The following CNTNAP5 variants were observed in gnomAD, a reference collection of about 807,000 sequenced individuals.
CNTNAP5 encodes the protein contactin-associated protein-like 5.
In CNTNAP5, 72 loss-of-function variants were observed where a neutral mutation model predicts 150.2. The observed-to-expected ratio is 0.48, with a 90% CI of 0.40 to 0.58. CNTNAP5 has a LOEUF of 0.58. Ranked by LOEUF, CNTNAP5 falls within the 20% of genes least tolerant of loss-of-function variation. CNTNAP5 has a pLI of 0.00. For missense variants in CNTNAP5, 1,636 were observed against 1,626.2 expected (o/e 1.01, Z -0.10); for synonymous variants, 672 against 619.8 (o/e 1.08, Z -1.25).
chr2:124,223,400 G>A (rs1024151241), intron 2 of CNTNAP5, among the ~76,000 whole-genome samples: 1 of 152,214 alleles, frequency 6.6e-6, no homozygotes, highest in African/African-American at 2.4e-5. Flanking sequence ...AAGTGGCCCA[G>A]GAATGTCTGC....
At chr2:124,151,483 C>T (rs1454446608) in intron 1 of CNTNAP5, among the ~76,000 whole-genome samples, 1 of 152,146 alleles carries the variant, frequency 6.6e-6, no homozygotes, top group East Asian at 1.9e-4. Context: ...TGCCACTTAC[C>T]AGTTGTGTGA....
intron 17 of CNTNAP5, among the ~76,000 whole-genome samples, chr2:124,786,927 G>A (rs1345560538): frequency 6.6e-6 from 1 of 152,154 alleles, no homozygotes; most frequent in Non-Finnish European, 1.5e-5. Flanking sequence ...TGGAAATTTA[G>A]TTCACTGTGC....
chr2:124,101,142 T>C (rs1683053404), intron 1 of CNTNAP5, among the ~76,000 whole-genome samples: 1 of 152,206 alleles, frequency 6.6e-6, no homozygotes, highest in Non-Finnish European at 1.5e-5. Flanking sequence ...ACAATAATCA[T>C]GTTGCTCAGG....
At chr2:124,805,244 A>G (rs1271294917) in intron 19 of CNTNAP5, among the ~76,000 whole-genome samples, 3 of 152,160 alleles carry the variant, frequency 2.0e-5, no homozygotes. Context: ...TTTAAGAATG[A>G]CTTTCTCAAT....
intron 13 of CNTNAP5, among the ~76,000 whole-genome samples, chr2:124,697,252 T>A: frequency 6.6e-6 from 1 of 152,166 alleles, no homozygotes; most frequent in Non-Finnish European, 1.5e-5. Flanking sequence ...TATTGATAAA[T>A]GGTCATTAAC....
intron 12 of CNTNAP5, among the ~76,000 whole-genome samples, chr2:124,619,820 C>A (rs906661705): frequency 2.1e-5 from 3 of 142,256 alleles, no homozygotes; most frequent in African/African-American, 5.4e-5. Context: ...GAAAATCAAT[C>A]TCCTTCTCTC....
intron 3 of CNTNAP5, among the ~76,000 whole-genome samples, chr2:124,292,890 C>T (rs1206396302): frequency 1.3e-5 from 2 of 151,890 alleles, no homozygotes; most frequent in African/African-American, 2.4e-5. Flanking sequence ...AAATTTTAAA[C>T]TATAATTCTG....
At chr2:124,905,722 A>G (rs1400544616) in intron 22 of CNTNAP5, among the ~76,000 whole-genome samples, 1 of 152,074 alleles carries the variant, frequency 6.6e-6, no homozygotes, top group African/African-American at 2.4e-5. Context: ...GGAGAAAGAG[A>G]AAGGGGAAAG....
chr2:124,908,543 T>C (rs1216205565), intron 22 of CNTNAP5, among the ~76,000 whole-genome samples: 1 of 152,178 alleles, frequency 6.6e-6, no homozygotes, highest in Non-Finnish European at 1.5e-5. Context: ...GAATAATTTC[T>C]ATGACCTAAT....
At chr2:124,822,458 T>C (rs974400694) in intron 19 of CNTNAP5, among the ~76,000 whole-genome samples, 1 of 152,190 alleles carries the variant, frequency 6.6e-6, no homozygotes, top group African/African-American at 2.4e-5. Context: ...ACACAAATCA[T>C]CTAATCAGCT....
intron 11 of CNTNAP5, among the ~76,000 whole-genome samples, chr2:124,571,749 C>T (rs890272292): frequency 6.6e-6 from 1 of 151,518 alleles, no homozygotes; most frequent in African/African-American, 2.4e-5. Context: ...TCAGGCTGGT[C>T]TCGAACTCCT....
rs10194346 is a variant in CNTNAP5 at position 124,654,207 on chromosome 2, C to T, written c.2077+6249C>T. On this transcript the variant is annotated intron_variant, in intron 13 of 23. Transcript: ENST00000682447. ...AATGATGGAAAGTGGTATCCAGAGG[C>T]CAGATTTTACAAAGCCTGGGACTGC... Among the ~76,000 whole-genome samples, 248 of 152,046 alleles carry T rather than the reference C, an allele frequency of 1.6e-3. 1 individual carries two copies. Among genetic ancestry groups the T allele is most frequent in the African/African-American group, 5.9e-3 (243 of 41,484 alleles).
chr2:124,761,558 G>C (rs1680956323), intron 14 of CNTNAP5, among the ~76,000 whole-genome samples: 1 of 151,992 alleles, frequency 6.6e-6, no homozygotes, highest in Non-Finnish European at 1.5e-5. Context: ...AGTACTACAG[G>C]CCTGTTTTAG....
Position 124,885,337 on chromosome 2 carries a change from G to A in CNTNAP5, c.3436+15575G>A, listed in dbSNP as rs144325991. Among the ~76,000 whole-genome samples the A allele has an allele frequency of 4.1e-3, 623 of 152,052 alleles. 6 individuals carry two copies. The highest frequency in any genetic ancestry group is 0.014 in the African/African-American group (582 of 41,466). ...TTCACGTTTACAACATACCTTTACA[G>A]CAGTACTTGGATGAGGGCTTGATTG... On this transcript the variant is annotated intron_variant, in intron 21 of 23. Transcript: ENST00000682447.
intron 3 of CNTNAP5, among the ~76,000 whole-genome samples, chr2:124,288,517 A>G (rs1688209491): frequency 6.6e-6 from 1 of 152,198 alleles, no homozygotes; most frequent in Non-Finnish European, 1.5e-5. Context: ...TGCTTCCTCT[A>G]TAAATTATTT....
At chr2:124,510,486 T>C (rs1226600048) in intron 8 of CNTNAP5, among the ~76,000 whole-genome samples, 3 of 22,574 alleles carry the variant, frequency 1.3e-4, no homozygotes, top group Non-Finnish European at 2.8e-4. Flanking sequence ...TGTATATATA[T>C]ATATATATAT....
At chr2:124,119,788 T>G (rs1337854920) in intron 1 of CNTNAP5, among the ~76,000 whole-genome samples, 1 of 152,100 alleles carries the variant, frequency 6.6e-6, no homozygotes, top group African/African-American at 2.4e-5. Context: ...TTTTATTTAA[T>G]AAAGTCTAAA....
At chr2:124,123,533 T>A (rs550335036) in intron 1 of CNTNAP5, among the ~76,000 whole-genome samples, 4 of 152,122 alleles carry the variant, frequency 2.6e-5, no homozygotes, top group Non-Finnish European at 5.9e-5. Context: ...AACGTCCCTG[T>A]CTGACAGCTT....
At chr2:124,276,155 A>T (rs72962888) in intron 3 of CNTNAP5, among the ~76,000 whole-genome samples, 204 of 152,314 alleles carry the variant, frequency 1.3e-3, no homozygotes, top group African/African-American at 4.6e-3. Context: ...AAGTATATGG[A>T]ACAGCTTCTT....
Sources: allele counts gnomAD v4.1 joint callset (sites outside exome capture counted in the v4.1 genomes callset), GRCh38; gene constraint gnomAD v4.1.1; transcripts MANE v1.5; gene names NCBI Gene and HGNC (gene_info 2026-07-23, HGNC 2026-07-21).